Variants in KAT14 observed in about 807,000 individuals in gnomAD.
The protein encoded by KAT14 is cysteine-rich protein 2-binding protein.
A neutral mutation model predicts 78.4 loss-of-function variants in KAT14; 66 were observed. The ratio of observed to expected loss-of-function variants is 0.84; its 90% confidence interval spans 0.69 to 1.03. The LOEUF (loss-of-function observed/expected upper bound fraction) is 1.03, where lower values mean the gene tolerates loss of function less well. KAT14 is among the 50% of genes least tolerant of loss of function. The probability of loss-of-function intolerance (pLI) is 0.00; values close to 1 mark genes in which losing one functional copy is unlikely to be tolerated. For synonymous variants in KAT14, 344 were observed against 359.4 expected, an observed-to-expected ratio of 0.96 and a Z score of 0.48; for missense variants, 870 against 972.5, an observed-to-expected ratio of 0.89 and a Z score of 1.40.
chr20:18,171,999 G>A (rs1271991283), intron 7 of KAT14, among the ~76,000 whole-genome samples: 1 of 152,216 alleles, frequency 6.6e-6, no homozygotes. Context: ...TGAAGGCTCA[G>A]ATGATCATTG....
chr20:18,163,295 G>C (rs928132747), intron 7 of KAT14, among the ~76,000 whole-genome samples: 2 of 152,106 alleles, frequency 1.3e-5, no homozygotes, highest in Non-Finnish European at 2.9e-5. Context: ...CGGTGTCTCT[G>C]ACACTGTGTT....
At position 18,142,784 on chromosome 20, in the gene KAT14, T is replaced by C; in HGVS notation, c.124T>C (p.Ser42Pro). 6.2e-7 allele frequency: 1 copy of C among 1,614,134 alleles called. No individual in the cohort carries two copies. Among genetic ancestry groups the C allele is most frequent in the Non-Finnish European group, 8.5e-7 (1 of 1,180,036 alleles). The change falls in exon 2 of 11, where the codon TCC becomes CCC. Residue 42 changes from serine to proline, a missense_variant. Physicochemically the swap from Ser to Pro is moderately conservative, Grantham distance 74. Transcript: ENST00000688188. ...GGGAGAGACGCTCCTGATCGTCGAA[T>C]CCGAGGATCAGGCATCAGTGGACTT... The part of the protein sequence containing the change: ...VEGETLLIVE[S>P]EDQASVDLSH...
At position 18,187,531 on chromosome 20, in the gene KAT14, A is replaced by G. The variant is rs2039488513; in HGVS notation, c.*72A>G. 1.9e-6 allele frequency: 3 copies of G among 1,593,318 alleles called. No homozygotes were observed. The highest frequency in any genetic ancestry group is 1.4e-5 in the African/African-American group (1 of 73,650). ...TCTTTGTGGAGATCTAAAGGCAGTG[A>G]TTGATTTCACAGGGAGCTCTAATCT... On this transcript the variant is annotated 3_prime_UTR_variant, in exon 11 of 11. Transcript: ENST00000688188.
At chr20:18,152,694 A>G (rs2038092205) in intron 4 of KAT14, among the ~76,000 whole-genome samples, 1 of 152,278 alleles carries the variant, frequency 6.6e-6, no homozygotes. Context: ...CCCTTAGTTA[A>G]TAGAGTTTTG....
intron 4 of KAT14, among the ~76,000 whole-genome samples, chr20:18,153,883 A>G (rs1203133940): frequency 6.6e-6 from 1 of 152,238 alleles, no homozygotes; most frequent in Non-Finnish European, 1.5e-5. Flanking sequence ...AAAATAAAAC[A>G]ATGCTGTTAA....
intron 10 of KAT14, among the ~76,000 whole-genome samples, chr20:18,185,375 G>A (rs1427300891): frequency 6.6e-6 from 1 of 152,044 alleles, no homozygotes; most frequent in Non-Finnish European, 1.5e-5. Context: ...ATGCCCGGCT[G>A]ATTTTTTGTA....
intron 3 of KAT14, among the ~76,000 whole-genome samples, chr20:18,146,789 G>C (rs1331243667): frequency 6.6e-6 from 1 of 151,922 alleles, no homozygotes; most frequent in Non-Finnish European, 1.5e-5. Flanking sequence ...AGGCTGCAAT[G>C]AGCTGTGATC....
intron 1 of KAT14, among the ~76,000 whole-genome samples, chr20:18,139,633 C>G (rs62205112): frequency 1.4e-4 from 20 of 141,626 alleles, no homozygotes; most frequent in South Asian, 7.5e-4. Context: ...ACCAAAATAA[C>G]GTGTGTGTGT....
chr20:18,143,622 T>TA (rs201812459), intron 2 of KAT14, among the ~76,000 whole-genome samples: 2 of 125,918 alleles, frequency 1.6e-5, no homozygotes, highest in South Asian at 2.7e-4. Flanking sequence ...CTAATTTTTT[T>TA]TTTTATTTTA....
At chr20:18,144,649 G>T (rs1348210959) in intron 2 of KAT14, among the ~76,000 whole-genome samples, 4 of 152,168 alleles carry the variant, frequency 2.6e-5, no homozygotes, top group Non-Finnish European at 5.9e-5. Context: ...TCACCTGAGG[G>T]ACTAAGAAAT....
At chr20:18,161,785 T>G in intron 5 of KAT14, 38 bp from the exon 6 acceptor site, 1 of 1,576,554 alleles carries the variant, frequency 6.3e-7, no homozygotes, top group Non-Finnish European at 8.6e-7. Context: ...GCATTTCAGA[T>G]GAGGGATACT....
Position 18,142,704 on chromosome 20 carries a change from A to G in KAT14, c.44A>G (p.Asp15Gly). Residue 15 changes from aspartate (D) to glycine (G), a missense_variant, in exon 2 of 11, where the codon GAT becomes GGT. By Grantham distance (94) the Asp-to-Gly change is moderately conservative (BLOSUM62 -1). Transcript: ENST00000688188. Reference sequence around the variant, plus strand: ...CTGAGTAGTCTGATCAGTCGGCATGATGACGAAGCCACGAGAACATCGACC... The same window carrying G: ...CTGAGTAGTCTGATCAGTCGGCATGGTGACGAAGCCACGAGAACATCGACC... ...IHLSSLISRH[D>G]DEATRTSTSE... 3.1e-6 allele frequency: 5 copies of G among 1,614,218 alleles called. No homozygotes were observed. Among genetic ancestry groups the G allele is most frequent in the Non-Finnish European group, 4.2e-6 (5 of 1,180,050 alleles).
chr20:18,140,965 C>G (rs2037527281), intron 1 of KAT14, among the ~76,000 whole-genome samples: 1 of 148,878 alleles, frequency 6.7e-6, no homozygotes, highest in African/African-American at 2.5e-5. Flanking sequence ...TGAGGTGATC[C>G]TATCACCTCA....
chr20:18,141,884 C>T (rs1009164681), intron 1 of KAT14, among the ~76,000 whole-genome samples: 2 of 151,714 alleles, frequency 1.3e-5, no homozygotes, highest in African/African-American at 4.8e-5. Context: ...AGACTCTTGT[C>T]TCAAAAAATA....
At position 18,187,134 on chromosome 20, in the gene KAT14, A is replaced by G. The variant is rs143936715; in HGVS notation, c.2173-152A>G. ...AGCAGCAAAATGTCATTCTGTTTCCAGCTGTTGCTAGGTGTTGCAATGTCT... is the reference window on the plus strand; with the variant it reads ...AGCAGCAAAATGTCATTCTGTTTCCGGCTGTTGCTAGGTGTTGCAATGTCT... On this transcript the variant is annotated intron_variant, in intron 10 of 10. Transcript: ENST00000688188. 3.6e-3 allele frequency: 3,332 copies of G among 914,290 alleles called. 11 individuals are homozygous for G. The highest frequency in any genetic ancestry group is 4.6e-3 in the Non-Finnish European group (2,916 of 632,704). 56.6% of individuals were successfully genotyped at this position (914,290 alleles called of 1,614,324 possible). A position where few individuals can be genotyped will look rare whatever the true frequency, so the allele number is the denominator to read the frequency against.
At chr20:18,173,951 A>C (rs905504123) in intron 7 of KAT14, among the ~76,000 whole-genome samples, 1 of 152,192 alleles carries the variant, frequency 6.6e-6, no homozygotes, top group African/African-American at 2.4e-5. Flanking sequence ...TTAACCCACA[A>C]AGAATCCCTG....
intron 4 of KAT14, among the ~76,000 whole-genome samples, chr20:18,156,503 CATT>C (rs1400568450): frequency 6.6e-6 from 1 of 152,098 alleles, no homozygotes; most frequent in Non-Finnish European, 1.5e-5. Context: ...ACAAATGTCT[CATT>C]ATGTGTTGTG....
chr20:18,174,664 T>A (rs996053731), intron 7 of KAT14, among the ~76,000 whole-genome samples: 1 of 112,470 alleles, frequency 8.9e-6, no homozygotes, highest in Non-Finnish European at 1.9e-5. Flanking sequence ...CTTGCTTTTT[T>A]TTTTATTTTT....
In KAT14 at chr20:18,145,198, T is replaced by G. The variant is rs536649654; in HGVS notation, c.260-35T>G. The G allele has an allele frequency of 3.1e-6, 5 of 1,610,582 alleles. No homozygotes were observed. In the Admixed American group the frequency reaches 8.4e-5, roughly 27 times the overall value. ...ACCTTTAGGTTACCGCTGCTCTAGA[T>G]AAACCCATGATGTGACTTTTTGTTT... On this transcript the variant is annotated intron_variant, in intron 2 of 10. Transcript: ENST00000688188.
Sources: allele counts gnomAD v4.1 joint callset (sites outside exome capture counted in the v4.1 genomes callset), GRCh38; gene constraint gnomAD v4.1.1; transcripts MANE v1.5; gene names NCBI Gene and HGNC (gene_info 2026-07-23, HGNC 2026-07-21).